The following UNC5D variants were observed in gnomAD, a reference collection of about 807,000 sequenced individuals.
UNC5D encodes the protein netrin receptor UNC5D.
UNC5D carries 39 observed loss-of-function variants against 105.4 expected under a neutral mutation model. The observed-to-expected ratio is 0.37, with a 90% CI of 0.29 to 0.48. The LOEUF (loss-of-function observed/expected upper bound fraction) is 0.48. UNC5D is among the 20% of genes least tolerant of loss of function. The pLI is 0.98. For synonymous variants in UNC5D, 452 were observed against 450.4 expected (o/e 1.00, Z -0.04); for missense variants, 991 against 1,202.4 (o/e 0.82, Z 2.60).
chr8:35,450,613 CAAAT>C (rs1808085010), intron 1 of UNC5D, among the ~76,000 whole-genome samples: 3 of 152,094 alleles, frequency 2.0e-5, no homozygotes, highest in South Asian at 4.2e-4. Context: ...ATACTTCAAA[CAAAT>C]GAAGATAAAC....
intron 1 of UNC5D, among the ~76,000 whole-genome samples, chr8:35,421,316 C>T (rs999412627): frequency 3.3e-5 from 5 of 152,136 alleles, no homozygotes; most frequent in Non-Finnish European, 5.9e-5. Context: ...GCAGCTGTAC[C>T]TGGAGAGCCA....
At chr8:35,281,923 T>C (rs531693778) in intron 1 of UNC5D, among the ~76,000 whole-genome samples, 1 of 152,320 alleles carries the variant, frequency 6.6e-6, no homozygotes, top group African/African-American at 2.4e-5. Flanking sequence ...GTTACTTTTA[T>C]ACCACCTTTT....
intron 16 of UNC5D, among the ~76,000 whole-genome samples, chr8:35,774,809 C>G (rs1802167408): frequency 6.6e-6 from 1 of 151,722 alleles, no homozygotes; most frequent in East Asian, 1.9e-4. Context: ...CGCCTGTAAT[C>G]CCAGCTGCCT....
intron 1 of UNC5D, among the ~76,000 whole-genome samples, chr8:35,410,199 T>C (rs1805076291): frequency 6.6e-6 from 1 of 152,054 alleles, no homozygotes; most frequent in Non-Finnish European, 1.5e-5. Flanking sequence ...CAATAAATAC[T>C]TACTGGATAA....
chr8:35,525,110 C>T lies in UNC5D; in HGVS notation c.104-24182C>T. ...GGATCCCTTCCCTCCCCCGGCCTGC[C>T]TCCGCTGAAGCCACCACCAGCGCCT... On this transcript the variant is annotated intron_variant, in intron 1 of 16. Coordinates refer to ENST00000404895, the MANE Select transcript of UNC5D (RefSeq NM_080872.4). The T allele has an allele frequency of 5.1e-6, 8 of 1,570,272 alleles. No individual in the cohort carries two copies. In the South Asian group the frequency reaches 9.0e-5, roughly 18 times the overall value.
chr8:35,395,053 G>A (rs1804012330), intron 1 of UNC5D, among the ~76,000 whole-genome samples: 1 of 152,102 alleles, frequency 6.6e-6, no homozygotes, highest in Non-Finnish European at 1.5e-5. Flanking sequence ...AATGTGCTTT[G>A]CCTAGTTACT....
intron 11 of UNC5D, among the ~76,000 whole-genome samples, chr8:35,748,258 A>G (rs1046061690): frequency 4.6e-5 from 7 of 152,150 alleles, no homozygotes; most frequent in East Asian, 1.9e-4. Flanking sequence ...GCATTCTCCA[A>G]TTCTGCCCTG....
chr8:35,366,554 C>T (rs1203472257), intron 1 of UNC5D, among the ~76,000 whole-genome samples: 1 of 151,938 alleles, frequency 6.6e-6, no homozygotes, highest in East Asian at 1.9e-4. Context: ...TGTAATTGTC[C>T]ACTTACCCTT....
intron 11 of UNC5D, among the ~76,000 whole-genome samples, chr8:35,731,757 C>T (rs1192271509): frequency 6.6e-6 from 1 of 152,172 alleles, no homozygotes; most frequent in African/African-American, 2.4e-5. Flanking sequence ...TAGGCAAATA[C>T]ATACGATGAT....
At position 35,568,339 on chromosome 8, in the gene UNC5D, TGTAAATGA is replaced by T. The variant is rs1384621094; in HGVS notation, c.466+100_466+107del. 204 of 1,465,064 alleles carry T rather than the reference TGTAAATGA, an allele frequency of 1.4e-4. 1 individual carries two copies. The highest frequency in any genetic ancestry group is 7.6e-5 in the Non-Finnish European group (83 of 1,089,616). 90.8% of individuals were successfully genotyped at this position (1,465,064 alleles called of 1,614,324 possible). The stretch of plus-strand genomic sequence containing the variant: ...ACAGATGTCAGATGCTTCTACAGAA[TGTAAATGA>T]GAGGTCTTAAATTTACTCTTCTAAA... On this transcript the variant is annotated intron_variant, in intron 3 of 16. Coordinates refer to ENST00000404895, the MANE Select transcript of UNC5D (RefSeq NM_080872.4).
chr8:35,358,823 A>C (rs1801700107), intron 1 of UNC5D, among the ~76,000 whole-genome samples: 1 of 152,168 alleles, frequency 6.6e-6, no homozygotes, highest in African/African-American at 2.4e-5. Flanking sequence ...TTTGCTATTT[A>C]TAAAATTATA....
chr8:35,334,303 G>A (rs1810854606), intron 1 of UNC5D, among the ~76,000 whole-genome samples: 1 of 152,126 alleles, frequency 6.6e-6, no homozygotes, highest in South Asian at 2.1e-4. Flanking sequence ...TTACTAGCAA[G>A]AAGGTAACAA....
At chr8:35,720,387 C>T (rs1828511537) in intron 8 of UNC5D, among the ~76,000 whole-genome samples, 2 of 152,156 alleles carry the variant, frequency 1.3e-5, no homozygotes, top group Non-Finnish European at 2.9e-5. Context: ...CCCAGCTACA[C>T]CTTTTAAGGT....
At position 35,490,553 on chromosome 8, in the gene UNC5D, C is replaced by T. The variant is rs116677742; in HGVS notation, c.104-58739C>T. ...AAAAAAAAAAATTAAAAAAGAATTT[C>T]GGGCCTTCATGGAAGAGAACTTTCA... On this transcript the variant is annotated intron_variant, in intron 1 of 16. Transcript: ENST00000404895. Among the ~76,000 whole-genome samples, 1,503 of 151,942 alleles carry T rather than the reference C, an allele frequency of 9.9e-3. 31 individuals are homozygous for T. Among genetic ancestry groups the T allele is most frequent in the African/African-American group, 0.034 (1,404 of 41,436 alleles).
At chr8:35,673,625 T>C (rs1824985644) in intron 4 of UNC5D, among the ~76,000 whole-genome samples, 1 of 152,172 alleles carries the variant, frequency 6.6e-6, no homozygotes. Context: ...TCAAATAAGA[T>C]AGTGTATTGA....
intron 4 of UNC5D, among the ~76,000 whole-genome samples, chr8:35,618,214 G>A (rs368106711): frequency 7.2e-5 from 11 of 152,292 alleles, no homozygotes; most frequent in African/African-American, 2.6e-4. Context: ...GGGCTTAGGC[G>A]ATCAGTTTAA....
At chr8:35,476,335 A>T (rs550549359) in intron 1 of UNC5D, among the ~76,000 whole-genome samples, 2 of 152,216 alleles carry the variant, frequency 1.3e-5, no homozygotes, top group East Asian at 3.9e-4. Flanking sequence ...GAGGTCAACT[A>T]GACACTTCCC....
intron 2 of UNC5D, among the ~76,000 whole-genome samples, chr8:35,553,640 T>G (rs573050475): frequency 2.0e-5 from 3 of 152,322 alleles, no homozygotes; most frequent in Non-Finnish European, 2.9e-5. Context: ...TGCAATTATG[T>G]TTCCTAAGCT....
At chr8:35,399,650 T>C (rs1319988745) in intron 1 of UNC5D, among the ~76,000 whole-genome samples, 1 of 152,162 alleles carries the variant, frequency 6.6e-6, no homozygotes, top group Non-Finnish European at 1.5e-5. Flanking sequence ...AGAAAAAAGT[T>C]GAGAATTGGA....
Sources: allele counts gnomAD v4.1 joint callset (sites outside exome capture counted in the v4.1 genomes callset), GRCh38; gene constraint gnomAD v4.1.1; transcripts MANE v1.5; gene names NCBI Gene and HGNC (gene_info 2026-07-23, HGNC 2026-07-21).